Variants in MAN1B1 observed in about 807,000 individuals in gnomAD.
MAN1B1 encodes the protein endoplasmic reticulum mannosyl-oligosaccharide 1,2-alpha-mannosidase.
Under a neutral mutation model 75.5 loss-of-function variants are expected in MAN1B1, and 66 were observed. That is an observed-to-expected ratio of 0.87 (90% CI 0.72 to 1.07). MAN1B1 has a LOEUF of 1.07. MAN1B1 is among the 50% of genes least tolerant of loss of function. The pLI is 0.00. For synonymous variants in MAN1B1, 453 were observed against 382.8 expected, an observed-to-expected ratio of 1.18 and a Z score of -2.14; for missense variants, 973 against 912.5, an observed-to-expected ratio of 1.07 and a Z score of -0.85.
At chr9:137,106,935 C>G in intron 10 of MAN1B1, 126 bp downstream of exon 10, 2 of 1,346,452 alleles carry the variant, frequency 1.5e-6, no homozygotes, top group Admixed American at 4.4e-5. Flanking sequence ...CTGGGTGGAC[C>G]GTGGCTGCCT....
intron 6 of MAN1B1, 131 bp downstream of exon 6, chr9:137,100,012 C>T (rs1334306792): frequency 9.7e-6 from 10 of 1,032,916 alleles, no homozygotes; most frequent in South Asian, 2.7e-5. Flanking sequence ...CTCCTGGGTG[C>T]GGGAGTGGAC....
In MAN1B1 at chr9:137,108,882, C is replaced by T. The variant is rs913628602; in HGVS notation, c.*291C>T. On this transcript the variant is annotated 3_prime_UTR_variant, in exon 13 of 13. Transcript: ENST00000371589. ...GAAGCCTGAGCAGGTCTCTGTGGGCCGACCAGAGGGGGGCTTCGAGGTGGT... is the reference window on the plus strand; with the variant it reads ...GAAGCCTGAGCAGGTCTCTGTGGGCTGACCAGAGGGGGGCTTCGAGGTGGT... 5 of 577,320 alleles carry T rather than the reference C, an allele frequency of 8.7e-6. No homozygotes were observed. Among genetic ancestry groups the T allele is most frequent in the African/African-American group, 3.7e-5 (2 of 54,086 alleles). 35.8% of individuals were successfully genotyped at this position (577,320 alleles called of 1,614,324 possible).
intron 8 of MAN1B1, chr9:137,105,180 TAGATAAC>T (rs1831049562): frequency 6.6e-6 from 1 of 152,454 alleles, no homozygotes; most frequent in Non-Finnish European, 1.5e-5. Context: ...TGTATTTTGA[TAGATAAC>T]AGATTGTCAT....
At chr9:137,107,182 CTGCCCG>C in intron 10 of MAN1B1, 62 bp from the exon 11 acceptor site, 6 of 1,543,520 alleles carry the variant, frequency 3.9e-6, no homozygotes, top group Non-Finnish European at 4.4e-6. Context: ...CCCACGTTGG[CTGCCCG>C]TGCAGCTGCA....
intron 8 of MAN1B1, chr9:137,105,795 T>C (rs1588649175): frequency 2.0e-6 from 1 of 492,132 alleles, no homozygotes; most frequent in Admixed American, 2.7e-5. Context: ...CCAGGCCTGG[T>C]GGGCTCTCGT....
chr9:137,101,707 C>G, intron 8 of MAN1B1, 35 bp downstream of exon 8: 2 of 1,595,684 alleles, frequency 1.3e-6, no homozygotes, highest in Non-Finnish European at 1.7e-6. Flanking sequence ...GATGCGCCTC[C>G]CCTGGAGCTA....
intron 5 of MAN1B1, among the ~76,000 whole-genome samples, chr9:137,099,182 G>A (rs1240186480): frequency 2.0e-5 from 3 of 152,240 alleles, no homozygotes; most frequent in Admixed American, 6.5e-5. Flanking sequence ...TGCACAGTGC[G>A]ATTCCCGTGG....
chr9:137,092,403 G>A (rs939731426), intron 3 of MAN1B1, among the ~76,000 whole-genome samples: 2 of 152,126 alleles, frequency 1.3e-5, no homozygotes, highest in African/African-American at 2.4e-5. Flanking sequence ...AGGGTTAGGG[G>A]CTGGATTGGT....
intron 2 of MAN1B1, 77 bp from the exon 3 acceptor site, chr9:137,088,792 A>G: frequency 6.7e-7 from 1 of 1,492,758 alleles, no homozygotes; most frequent in Non-Finnish European, 9.3e-7. Context: ...AGTGCCTGCC[A>G]AGTGTTTTTA....
chr9:137,088,309 G>A (rs1321525298), intron 2 of MAN1B1, 126 bp downstream of exon 2: 1 of 1,607,800 alleles, frequency 6.2e-7, no homozygotes, highest in Non-Finnish European at 8.5e-7. Flanking sequence ...AAGAAATCAA[G>A]ATAAAGAGAA....
rs974931608 is a variant in MAN1B1 at position 137,109,180 on chromosome 9, C to T, written c.*589C>T. ...CGGTGGAGATAAAAGTTGATTTGCT[C>T]TAACCGCGATGTCGCCTGTGTCTTT... On this transcript the variant is annotated 3_prime_UTR_variant, in exon 13 of 13. Transcript: ENST00000371589. 4.4e-6 allele frequency: 2 copies of T among 454,402 alleles called. No homozygotes were observed. Among genetic ancestry groups the T allele is most frequent in the Non-Finnish European group, 8.8e-6 (2 of 226,836 alleles). The allele number at this position is 454,402 out of a possible 1,614,324, so 28.1% of individuals were successfully genotyped here.
intron 10 of MAN1B1, 153 bp from the exon 11 acceptor site, chr9:137,107,097 G>A: frequency 1.2e-6 from 1 of 844,614 alleles, no homozygotes; most frequent in Non-Finnish European, 1.8e-6. Flanking sequence ...GGTCCAGGCA[G>A]CTCCGCTGTT....
At chr9:137,103,525 G>T in intron 8 of MAN1B1, 4 of 449,928 alleles carry the variant, frequency 8.9e-6, no homozygotes, top group South Asian at 6.3e-5. Context: ...CAGGCCGGTG[G>T]TGTTACATTC....
chr9:137,107,339 C>T lies in MAN1B1; in HGVS notation c.1656C>T (p.Leu552=). 2 of 1,613,326 alleles carry T rather than the reference C, an allele frequency of 1.2e-6. No individual in the cohort carries two copies. Among genetic ancestry groups the T allele is most frequent in the Non-Finnish European group, 1.7e-6 (2 of 1,180,006 alleles). The change falls in exon 11 of 13, where the codon CTC becomes CTT. Residue 552 remains leucine (L), a synonymous_variant. Transcript: ENST00000371589. Reference sequence around the variant, plus strand: ...GCCACATGGAGCTGGCCCAGGAGCTCATGGAGACTTGTTACCAGATGAACC... The same window carrying T: ...GCCACATGGAGCTGGCCCAGGAGCTTATGGAGACTTGTTACCAGATGAACC... ...PASHMELAQE[L]METCYQMNRQ...
chr9:137,104,479 C>T (rs984595097), intron 8 of MAN1B1: 35 of 248,286 alleles, frequency 1.4e-4, no homozygotes, highest in Non-Finnish European at 2.3e-4. Context: ...GTGATCCACC[C>T]GCCTGGGCCT....
In MAN1B1 at chr9:137,101,534, T is replaced by C; in HGVS notation, c.1116T>C (p.Ile372=). The C allele has an allele frequency of 6.2e-7, 1 of 1,613,932 alleles. No individual in the cohort carries two copies. Among genetic ancestry groups the C allele is most frequent in the Non-Finnish European group, 8.5e-7 (1 of 1,180,036 alleles). ...CTGCCTTCAGAACACCATCCAAGAT[T>C]CCTTACTCGGATGTGAACATCGGTA... ...LMPAFRTPSK[I]PYSDVNIGTG... The change falls in exon 8 of 13, where the codon ATT becomes ATC. Residue 372 remains isoleucine, a synonymous_variant. Coordinates refer to ENST00000371589, the MANE Select transcript of MAN1B1 (RefSeq NM_016219.5).
chr9:137,096,877 G>A (rs955392864), intron 4 of MAN1B1, among the ~76,000 whole-genome samples: 5 of 152,218 alleles, frequency 3.3e-5, no homozygotes, highest in African/African-American at 1.2e-4. Context: ...TCCATGTTAC[G>A]CTCTTAGAAA....
At chr9:137,088,462 C>T in intron 2 of MAN1B1, 2 of 1,506,648 alleles carry the variant, frequency 1.3e-6, no homozygotes, top group Non-Finnish European at 1.8e-6. Context: ...GAACACTCAG[C>T]CTAAATAACC....
At chr9:137,103,245 C>T (rs562069862) in intron 8 of MAN1B1, 31 of 415,384 alleles carry the variant, frequency 7.5e-5, no homozygotes, top group Admixed American at 2.2e-4. Flanking sequence ...GTGTTGCAGG[C>T]GTGCAGGTCG....
Sources: allele counts gnomAD v4.1 joint callset (sites outside exome capture counted in the v4.1 genomes callset), GRCh38; gene constraint gnomAD v4.1.1; transcripts MANE v1.5; gene names NCBI Gene and HGNC (gene_info 2026-07-23, HGNC 2026-07-21).